Variants in TMEM87A observed in about 807,000 individuals in gnomAD.
The protein encoded by TMEM87A is transmembrane protein 87A, also known as Golgi-pH regulating cation channel.
TMEM87A carries 50 observed loss-of-function variants against 90.0 expected under a neutral mutation model. The ratio of observed to expected loss-of-function variants is 0.56; its 90% CI spans 0.44 to 0.70. The LOEUF (loss-of-function observed/expected upper bound fraction) is 0.70. TMEM87A is among the 30% of genes least tolerant of loss of function. The probability of loss-of-function intolerance (pLI) is 0.00; values close to 1 mark genes in which losing one functional copy is unlikely to be tolerated. For missense variants in TMEM87A, 577 were observed against 660.5 expected, an observed-to-expected ratio of 0.87 and a Z score of 1.39; for synonymous variants, 226 against 226.7, an observed-to-expected ratio of 1.00 and a Z score of 0.03.
chr15:42,266,302 G>C (rs1013538498), intron 3 of TMEM87A, among the ~76,000 whole-genome samples: 8 of 152,256 alleles, frequency 5.3e-5, no homozygotes, highest in African/African-American at 1.9e-4. Flanking sequence ...GATCACCTGA[G>C]GTCAGGAGTT....
intron 3 of TMEM87A, among the ~76,000 whole-genome samples, chr15:42,264,994 C>A (rs2051374259): frequency 6.6e-6 from 1 of 152,060 alleles, no homozygotes. Flanking sequence ...AGGTTAATGG[C>A]CTCCAGCTCC....
intron 2 of TMEM87A, among the ~76,000 whole-genome samples, chr15:42,270,919 TC>T (rs1018775283): frequency 1.3e-5 from 2 of 152,180 alleles, no homozygotes; most frequent in Non-Finnish European, 2.9e-5. Context: ...TTCTATTACT[TC>T]CCCACAGTCT....
At chr15:42,248,218 T>C (rs1245132919) in intron 6 of TMEM87A, among the ~76,000 whole-genome samples, 1 of 152,100 alleles carries the variant, frequency 6.6e-6, no homozygotes, top group Non-Finnish European at 1.5e-5. Flanking sequence ...TACAATCATG[T>C]CATCTGCAAA....
intron 18 of TMEM87A, 133 bp from the exon 19 acceptor site, chr15:42,217,966 G>T: frequency 1.2e-6 from 1 of 845,706 alleles, no homozygotes; most frequent in Non-Finnish European, 1.8e-6. Flanking sequence ...GGCCCTTTTA[G>T]GAAAAATAAA....
At position 42,264,081 on chromosome 15, in the gene TMEM87A, A is replaced by G; in HGVS notation, c.405+9T>C. The G allele has an allele frequency of 6.2e-7, 1 of 1,605,412 alleles. No homozygotes were observed. The highest frequency in any genetic ancestry group is 8.5e-7 in the Non-Finnish European group (1 of 1,174,540). On this transcript the variant is annotated intron_variant, in intron 4 of 19. Transcript: ENST00000389834. Reference sequence around the variant, plus strand: ...ATTCTATTTATCTCCAATCACTTTCAAAGATTACCTGTGTTTTAAAGAGTT... The same window carrying G: ...ATTCTATTTATCTCCAATCACTTTCGAAGATTACCTGTGTTTTAAAGAGTT...
chr15:42,256,481 T>G (rs1371274070), intron 6 of TMEM87A, among the ~76,000 whole-genome samples: 2 of 152,204 alleles, frequency 1.3e-5, no homozygotes, highest in Admixed American at 1.3e-4. Flanking sequence ...GGACCAAATT[T>G]TCAGGAAGAA....
rs201119967 is a variant in TMEM87A, at chr15:42,266,603, GC to G, written c.291+1343del. ...AAAAGCAATAGTGGGTAAAACTGTT[GC>G]CCCTTATCAGGAACTAAGGCAGTGG... On this transcript the variant is annotated intron_variant, in intron 3 of 19. Transcript: ENST00000389834. Among the ~76,000 whole-genome samples the G allele has an allele frequency of 4.6e-3, 695 of 151,836 alleles. 5 individuals carry two copies. The highest frequency in any genetic ancestry group is 0.016 in the African/African-American group (660 of 41,430).
chr15:42,218,257 TA>T (rs1402758484), intron 18 of TMEM87A, 65 bp downstream of exon 18: 20 of 1,507,060 alleles, frequency 1.3e-5, no homozygotes, highest in Non-Finnish European at 1.7e-5. Flanking sequence ...CTTGCTCATT[TA>T]AAATAATAAC....
Position 42,210,894 on chromosome 15 carries a change from A to G in TMEM87A, c.*814T>C, listed in dbSNP as rs886846416. 1 of 152,664 alleles carries G rather than the reference A, an allele frequency of 6.6e-6. No individual in the cohort carries two copies. Among genetic ancestry groups the G allele is most frequent in the African/African-American group, 2.4e-5 (1 of 41,460 alleles). 9.5% of individuals were successfully genotyped at this position (152,664 alleles called of 1,614,324 possible). On this transcript the variant is annotated 3_prime_UTR_variant, in exon 20 of 20. Transcript: ENST00000389834. ...CTCTCTGCATAAAGGCAAACAAAACATTGCCTAAGGACCCTGCAATGCCAC... is the reference window on the plus strand; with the variant it reads ...CTCTCTGCATAAAGGCAAACAAAACGTTGCCTAAGGACCCTGCAATGCCAC...
At chr15:42,217,923 T>C in intron 18 of TMEM87A, 90 bp from the exon 19 acceptor site, 1 of 1,295,094 alleles carries the variant, frequency 7.7e-7, no homozygotes, top group Non-Finnish European at 1.1e-6. Flanking sequence ...AATTAAAAGC[T>C]TTATAATTAT....
intron 2 of TMEM87A, among the ~76,000 whole-genome samples, chr15:42,269,566 T>C (rs1337899123): frequency 6.6e-6 from 1 of 152,112 alleles, no homozygotes. Flanking sequence ...AACAGGAGAC[T>C]TGTAAGGAAA....
chr15:42,233,135 A>G, intron 11 of TMEM87A, 78 bp downstream of exon 11: 1 of 1,248,102 alleles, frequency 8.0e-7, no homozygotes, highest in Non-Finnish European at 1.2e-6. Context: ...AAGCCCACAG[A>G]CATTTCCAAT....
chr15:42,261,028 A>G (rs544070486), intron 5 of TMEM87A, 26 bp from the exon 6 acceptor site: 1 of 1,585,788 alleles, frequency 6.3e-7, no homozygotes, highest in African/African-American at 1.4e-5. Context: ...AAATAATAAT[A>G]ATTAATTCAG....
chr15:42,228,940 T>G (rs567970908), intron 12 of TMEM87A, 120 bp from the exon 13 acceptor site: 1 of 611,842 alleles, frequency 1.6e-6, no homozygotes, highest in African/African-American at 1.9e-5. Context: ...TCAGAGGCCT[T>G]ATAGCTCTCT....
intron 12 of TMEM87A, 148 bp downstream of exon 12, chr15:42,231,044 C>G: frequency 1.7e-6 from 1 of 586,820 alleles, no homozygotes; most frequent in Non-Finnish European, 2.8e-6. Context: ...TACCTGAACC[C>G]TCAGGTTGTT....
At chr15:42,219,690 A>C in intron 16 of TMEM87A, 48 bp from the exon 17 acceptor site, 1 of 1,297,470 alleles carries the variant, frequency 7.7e-7, no homozygotes, top group Non-Finnish European at 1.1e-6. Flanking sequence ...GAACAGACCA[A>C]CAATGTTGGC....
chr15:42,240,780 A>G (rs1022875649), intron 7 of TMEM87A, among the ~76,000 whole-genome samples: 2 of 152,230 alleles, frequency 1.3e-5, no homozygotes, highest in African/African-American at 4.8e-5. Flanking sequence ...CCATTATTTA[A>G]AGTAAACTAC....
intron 19 of TMEM87A, among the ~76,000 whole-genome samples, chr15:42,215,295 C>T (rs372262921): frequency 4.6e-5 from 7 of 152,102 alleles, no homozygotes; most frequent in African/African-American, 1.2e-4. Flanking sequence ...GTCAGGAGAC[C>T]GAGACCATCC....
intron 8 of TMEM87A, among the ~76,000 whole-genome samples, chr15:42,238,032 T>C (rs1299163850): frequency 6.7e-6 from 1 of 150,014 alleles, no homozygotes; most frequent in Non-Finnish European, 1.5e-5. Context: ...TGTGTGTGTG[T>C]GTGTATGTAT....
Sources: gnomAD v4.1 joint callset for allele counts (sites outside exome capture counted in the v4.1 genomes callset) on GRCh38, gnomAD v4.1.1 for gene constraint, MANE v1.5 for transcripts, NCBI Gene and HGNC (gene_info 2026-07-23, HGNC 2026-07-21) for gene names.